Variants in AGBL4 observed in about 807,000 individuals in gnomAD.
The protein encoded by AGBL4 is cytosolic carboxypeptidase 6.
A neutral mutation model predicts 66.4 loss-of-function variants in AGBL4; 58 were observed. The observed-to-expected ratio is 0.87, with a 90% confidence interval of 0.71 to 1.09. AGBL4 has a LOEUF of 1.09. AGBL4 is among the 50% of genes least tolerant of loss of function. AGBL4 has a pLI of 0.00. For missense variants in AGBL4, 579 were observed against 631.0 expected, an observed-to-expected ratio of 0.92 and a Z score of 0.88; for synonymous variants, 234 against 222.9, an observed-to-expected ratio of 1.05 and a Z score of -0.44.
intron 4 of AGBL4, among the ~76,000 whole-genome samples, chr1:49,225,765 C>G (rs1649864796): frequency 6.6e-6 from 1 of 152,130 alleles, no homozygotes. Context: ...TGTTCCATTT[C>G]CTAGGGGCTA....
intron 1 of AGBL4, among the ~76,000 whole-genome samples, chr1:50,011,695 T>C (rs1572055864): frequency 6.6e-6 from 1 of 152,290 alleles, no homozygotes; most frequent in East Asian, 1.9e-4. Flanking sequence ...GGAGTCCTAT[T>C]CAGCTAAAAA....
chr1:49,391,192 A>G (rs918214686), intron 3 of AGBL4, among the ~76,000 whole-genome samples: 14 of 152,214 alleles, frequency 9.2e-5, no homozygotes, highest in African/African-American at 2.9e-4. Flanking sequence ...ATCAGAAATG[A>G]GAATGAAGAA....
intron 2 of AGBL4, among the ~76,000 whole-genome samples, chr1:49,789,389 A>T (rs1353898166): frequency 1.3e-5 from 2 of 152,196 alleles, no homozygotes; most frequent in Non-Finnish European, 2.9e-5. Flanking sequence ...AGAGGAAGTC[A>T]AATTGTCTCT....
At chr1:49,921,733 G>A (rs1356181869) in intron 1 of AGBL4, among the ~76,000 whole-genome samples, 2 of 152,202 alleles carry the variant, frequency 1.3e-5, no homozygotes, top group African/African-American at 4.8e-5. Flanking sequence ...AGAAAAAGAA[G>A]GAAGCATCCA....
chr1:48,573,696 C>T (rs1426405853), intron 11 of AGBL4, among the ~76,000 whole-genome samples: 1 of 152,042 alleles, frequency 6.6e-6, no homozygotes, highest in African/African-American at 2.4e-5. Flanking sequence ...TCTTAAGAAC[C>T]CTTCATGGAA....
chr1:49,859,162 G>T (rs1007673991), intron 1 of AGBL4, among the ~76,000 whole-genome samples: 2 of 152,094 alleles, frequency 1.3e-5, no homozygotes, highest in Non-Finnish European at 2.9e-5. Flanking sequence ...GGAATGAAAA[G>T]GTTAACATCC....
chr1:49,967,983 G>T (rs372426473), intron 1 of AGBL4, among the ~76,000 whole-genome samples: 1 of 152,052 alleles, frequency 6.6e-6, no homozygotes, highest in African/African-American at 2.4e-5. Context: ...CAGCACTTTG[G>T]GAGACTGAGG....
intron 4 of AGBL4, among the ~76,000 whole-genome samples, chr1:49,080,454 A>G (rs1305024709): frequency 6.6e-6 from 1 of 152,152 alleles, no homozygotes; most frequent in Non-Finnish European, 1.5e-5. Flanking sequence ...GCCCTCACTG[A>G]TCCCCAGTGA....
At chr1:49,741,489 C>T (rs1462354294) in intron 2 of AGBL4, among the ~76,000 whole-genome samples, 1 of 152,150 alleles carries the variant, frequency 6.6e-6, no homozygotes, top group Non-Finnish European at 1.5e-5. Context: ...GAGATGGTAC[C>T]ATTCCTTCTG....
intron 4 of AGBL4, among the ~76,000 whole-genome samples, chr1:49,100,586 G>A (rs960752598): frequency 4.6e-5 from 7 of 152,156 alleles, no homozygotes; most frequent in East Asian, 1.9e-4. Flanking sequence ...AACATATGTC[G>A]GGGTAGAAGT....
intron 4 of AGBL4, among the ~76,000 whole-genome samples, chr1:49,159,951 T>A (rs1430594156): frequency 6.6e-6 from 1 of 152,190 alleles, no homozygotes; most frequent in Non-Finnish European, 1.5e-5. Flanking sequence ...GTTATTCTAG[T>A]TTGCAATTTG....
At chr1:49,803,860 T>C (rs1369315267) in intron 2 of AGBL4, among the ~76,000 whole-genome samples, 1 of 152,200 alleles carries the variant, frequency 6.6e-6, no homozygotes, top group Non-Finnish European at 1.5e-5. Flanking sequence ...AAATATTTGG[T>C]TATTAACACT....
At chr1:49,933,906 C>T (rs1450047324) in intron 1 of AGBL4, among the ~76,000 whole-genome samples, 1 of 152,126 alleles carries the variant, frequency 6.6e-6, no homozygotes, top group African/African-American at 2.4e-5. Flanking sequence ...AATAATCCAT[C>T]TCTGTTAATA....
intron 6 of AGBL4, among the ~76,000 whole-genome samples, chr1:48,696,799 T>C (rs1646720348): frequency 6.6e-6 from 1 of 152,162 alleles, no homozygotes; most frequent in African/African-American, 2.4e-5. Context: ...GCTTGGTCTG[T>C]AGTGAAAATG....
intron 5 of AGBL4, among the ~76,000 whole-genome samples, chr1:48,931,562 C>G (rs1299585546): frequency 1.3e-5 from 2 of 151,978 alleles, no homozygotes; most frequent in Non-Finnish European, 2.9e-5. Context: ...TTCTGTCACC[C>G]AGGCTTGAGT....
chr1:49,079,530 A>G (rs964139106), intron 4 of AGBL4, among the ~76,000 whole-genome samples: 5 of 151,718 alleles, frequency 3.3e-5, no homozygotes, highest in African/African-American at 1.2e-4. Context: ...GGGAGAAACC[A>G]CCCCCATGAT....
intron 6 of AGBL4, among the ~76,000 whole-genome samples, chr1:48,849,399 G>A (rs148696066): frequency 6.6e-6 from 1 of 152,184 alleles, no homozygotes. Context: ...GAAAAAGTAT[G>A]CTGGTCATAA....
At chr1:49,000,415 G>C (rs1661315071) in intron 5 of AGBL4, among the ~76,000 whole-genome samples, 1 of 152,214 alleles carries the variant, frequency 6.6e-6, no homozygotes, top group Non-Finnish European at 1.5e-5. Flanking sequence ...CTGGGAAGAT[G>C]AGGATACAAC....
chr1:49,763,733 C>G (rs1207640983), intron 2 of AGBL4, among the ~76,000 whole-genome samples: 2 of 152,188 alleles, frequency 1.3e-5, no homozygotes, highest in African/African-American at 4.8e-5. Flanking sequence ...CAGATGGACA[C>G]AGAGCTGCCT....
Sources: gnomAD v4.1 joint callset for allele counts (sites outside exome capture counted in the v4.1 genomes callset) on GRCh38, gnomAD v4.1.1 for gene constraint, MANE v1.5 for transcripts, NCBI Gene and HGNC (gene_info 2026-07-23, HGNC 2026-07-21) for gene names.